The following CERS3 variants were observed in gnomAD, a reference collection of about 807,000 sequenced individuals.
CERS3 encodes the protein LAG1 homolog, ceramide synthase 3.
CERS3 carries 33 observed loss-of-function variants against 50.3 expected under a neutral mutation model. That is an observed-to-expected ratio of 0.66 (90% CI 0.50 to 0.88). CERS3 has a LOEUF of 0.88. Among genes scored for constraint, CERS3 ranks in the 40% least tolerant of loss-of-function variants. CERS3 has a pLI of 0.00. For synonymous variants in CERS3, 176 were observed against 155.2 expected (o/e 1.13, Z -0.99); for missense variants, 470 against 460.3 (o/e 1.02, Z -0.19).
At chr15:100,484,433 G>T in intron 5 of CERS3, 117 bp downstream of exon 5, 1 of 691,244 alleles carries the variant, frequency 1.4e-6, no homozygotes, top group Non-Finnish European at 2.6e-6. Context: ...CACATCAGTG[G>T]GTGACAGAGC....
chr15:100,411,280 G>A (rs1292645585), intron 11 of CERS3, among the ~76,000 whole-genome samples: 1 of 152,114 alleles, frequency 6.6e-6, no homozygotes, highest in Admixed American at 6.6e-5. Context: ...TCCTGCCTCA[G>A]CCTCCCAAGT....
At chr15:100,503,234 A>G (rs2036064784) in intron 2 of CERS3, among the ~76,000 whole-genome samples, 1 of 152,250 alleles carries the variant, frequency 6.6e-6, no homozygotes, top group Non-Finnish European at 1.5e-5. Flanking sequence ...GAAAACTACC[A>G]GTGGGTTGGT....
chr15:100,440,291 T>A (rs867616232), intron 11 of CERS3, among the ~76,000 whole-genome samples: 1 of 152,160 alleles, frequency 6.6e-6, no homozygotes, highest in Non-Finnish European at 1.5e-5. Flanking sequence ...AGCCATCATA[T>A]CCCCTGTGAC....
intron 2 of CERS3, among the ~76,000 whole-genome samples, chr15:100,515,029 A>G (rs1255080984): frequency 6.6e-6 from 1 of 152,256 alleles, no homozygotes. Context: ...GCTGTATCTG[A>G]GTAAACCCAG....
intron 9 of CERS3, 57 bp from the exon 10 acceptor site, chr15:100,469,541 A>G: frequency 8.2e-7 from 1 of 1,214,260 alleles, no homozygotes. Context: ...TTTTAAAGTT[A>G]AATTTATAAA....
At chr15:100,531,715 T>C (rs1211865925), upstream of CERS3, among the ~76,000 whole-genome samples, 1 of 152,234 alleles carries the variant, frequency 6.6e-6, no homozygotes, top group African/African-American at 2.4e-5. Context: ...CACGTGGGTA[T>C]CATTTCTCCT....
chr15:100,437,472 G>T (rs1267747424), intron 11 of CERS3, among the ~76,000 whole-genome samples: 2 of 152,118 alleles, frequency 1.3e-5, no homozygotes, highest in Non-Finnish European at 2.9e-5. Flanking sequence ...AAAGTCAACT[G>T]GCAAAAGACA....
chr15:100,503,875 T>C, intron 2 of CERS3: 1 of 400,188 alleles, frequency 2.5e-6, no homozygotes. Context: ...GGGTAGAGGA[T>C]AAAGTGAGCC....
chr15:100,427,201 C>A (rs1175461935), intron 11 of CERS3, among the ~76,000 whole-genome samples: 2 of 151,980 alleles, frequency 1.3e-5, no homozygotes, highest in African/African-American at 2.4e-5. Context: ...CTGCAGCAGG[C>A]CTTGTGATGG....
chr15:100,435,978 A>T (rs2033384742), intron 11 of CERS3, among the ~76,000 whole-genome samples: 1 of 152,206 alleles, frequency 6.6e-6, no homozygotes, highest in Admixed American at 6.5e-5. Context: ...GAAACAACAG[A>T]TGCTGGTGAG....
intron 11 of CERS3, among the ~76,000 whole-genome samples, chr15:100,441,099 C>T (rs999663915): frequency 4.6e-5 from 7 of 152,122 alleles, no homozygotes; most frequent in South Asian, 2.1e-4. Context: ...GCAGGAACCC[C>T]GACCTCTTAT....
intron 1 of CERS3, among the ~76,000 whole-genome samples, chr15:100,522,936 A>G (rs909579067): frequency 1.3e-5 from 2 of 151,884 alleles, no homozygotes; most frequent in African/African-American, 4.8e-5. Flanking sequence ...GACTATTTAC[A>G]CTCCTCCCAG....
chr15:100,453,401 A>G (rs2034243467), intron 11 of CERS3, among the ~76,000 whole-genome samples: 1 of 152,220 alleles, frequency 6.6e-6, no homozygotes, highest in South Asian at 2.1e-4. Flanking sequence ...AATAAAATCT[A>G]TATGATCATC....
At position 100,467,745 on chromosome 15, in the gene CERS3, TTCTC is replaced by T. The variant is rs55685908; in HGVS notation, c.845+1629_845+1632del. On this transcript the variant is annotated intron_variant, in intron 10 of 11. Coordinates refer to ENST00000679737, the MANE Select transcript of CERS3 (RefSeq NM_001378789.1). ...ATTATTCTATCAATAATTGCTATCATTCTCTCTCTCTCTCTCTCTCTCTCTATAT... is the reference window on the plus strand; with the variant it reads ...ATTATTCTATCAATAATTGCTATCATTCTCTCTCTCTCTCTCTCTCTATAT... 6.6e-3 allele frequency among the ~76,000 whole-genome samples: 247 copies of T among 37,240 alleles called. 2 individuals carry two copies. Among genetic ancestry groups the T allele is most frequent in the Middle Eastern group, 0.016 (1 of 62 alleles). The allele number at this position is 37,240 out of a possible 152,430, so 24.4% of individuals were successfully genotyped here. A position where few individuals can be genotyped will look rare whatever the true frequency, so the allele number is the denominator to read the frequency against.
upstream of CERS3, among the ~76,000 whole-genome samples, chr15:100,530,094 T>A (rs916728146): frequency 2.6e-5 from 4 of 152,200 alleles, no homozygotes; most frequent in Admixed American, 1.3e-4. Context: ...AATGGGCTCA[T>A]GCATTTTTAA....
At chr15:100,449,827 C>T (rs2034087530) in intron 11 of CERS3, among the ~76,000 whole-genome samples, 1 of 150,368 alleles carries the variant, frequency 6.7e-6, no homozygotes, top group African/African-American at 2.4e-5. Flanking sequence ...GACACGGAAA[C>T]ATAAAAAAGC....
intron 2 of CERS3, among the ~76,000 whole-genome samples, chr15:100,509,714 A>G (rs1178397545): frequency 6.6e-6 from 1 of 152,196 alleles, no homozygotes; most frequent in African/African-American, 2.4e-5. Context: ...GTGAAGGGAA[A>G]GTCAGCTCTG....
At chr15:100,479,919 A>G in intron 6 of CERS3, 70 bp downstream of exon 6, 1 of 1,133,208 alleles carries the variant, frequency 8.8e-7, no homozygotes, top group Non-Finnish European at 1.3e-6. Flanking sequence ...TATACCCTAA[A>G]GGAATTCACA....
intron 11 of CERS3, among the ~76,000 whole-genome samples, chr15:100,424,909 T>A (rs972626988): frequency 6.6e-6 from 1 of 152,130 alleles, no homozygotes. Flanking sequence ...GAAAAATGCC[T>A]CCAAGGCATT....
Sources: gnomAD v4.1 joint callset for allele counts (sites outside exome capture counted in the v4.1 genomes callset) on GRCh38, gnomAD v4.1.1 for gene constraint, MANE v1.5 for transcripts, NCBI Gene and HGNC (gene_info 2026-07-23, HGNC 2026-07-21) for gene names.